DOCK2: variants seen among roughly 807,000 people sequenced by gnomAD.
DOCK2 encodes dedicator of cytokinesis protein 2.
A neutral mutation model predicts 248.9 loss-of-function variants in DOCK2; 87 were observed. The observed-to-expected ratio is 0.35, with a 90% confidence interval of 0.29 to 0.42. The LOEUF is 0.42. Among genes scored for constraint, DOCK2 ranks in the 10% least tolerant of loss-of-function variants. DOCK2 has a pLI of 1.00. For missense variants in DOCK2, 1,747 were observed against 2,300.2 expected, an observed-to-expected ratio of 0.76 and a Z score of 4.92; for synonymous variants, 805 against 821.6, an observed-to-expected ratio of 0.98 and a Z score of 0.35.
chr5:169,671,269 G>A (rs1398268984), intron 5 of DOCK2, 95 bp downstream of exon 5: 7 of 1,090,254 alleles, frequency 6.4e-6, no homozygotes, highest in Middle Eastern at 2.0e-4. Context: ...GGCAGGTGGA[G>A]GTGGCTTTGG....
chr5:169,800,212 A>T (rs1302116923), intron 25 of DOCK2, among the ~76,000 whole-genome samples: 3 of 152,138 alleles, frequency 2.0e-5, no homozygotes, highest in Non-Finnish European at 1.5e-5. Flanking sequence ...TGTCATCTAT[A>T]ATTTTCTGTT....
intron 32 of DOCK2, among the ~76,000 whole-genome samples, chr5:170,014,387 T>C (rs1010835777): frequency 1.3e-5 from 2 of 152,190 alleles, no homozygotes; most frequent in African/African-American, 4.8e-5. Flanking sequence ...ATTAAAAGAA[T>C]AAAGTTAATT....
chr5:169,666,344 C>T (rs1041663401), intron 2 of DOCK2, among the ~76,000 whole-genome samples: 1 of 152,086 alleles, frequency 6.6e-6, no homozygotes, highest in Non-Finnish European at 1.5e-5. Flanking sequence ...TTTGGGAGGA[C>T]ACATTCAGTC....
chr5:169,682,147 C>T (rs930467136), intron 7 of DOCK2, among the ~76,000 whole-genome samples: 3 of 152,232 alleles, frequency 2.0e-5, no homozygotes, highest in South Asian at 4.1e-4. Context: ...AGAAGAAAGG[C>T]GATAACAAAG....
chr5:169,638,945 G>C (rs1347695648), intron 1 of DOCK2, among the ~76,000 whole-genome samples: 1 of 152,174 alleles, frequency 6.6e-6, no homozygotes, highest in African/African-American at 2.4e-5. Context: ...TAAAGGCAGG[G>C]AACTGGCATC....
chr5:169,893,444 G>A (rs1397690942), intron 27 of DOCK2, among the ~76,000 whole-genome samples: 1 of 143,864 alleles, frequency 7.0e-6, no homozygotes, highest in African/African-American at 2.5e-5. Context: ...CAATCCATTT[G>A]TTTTTCACTA....
chr5:170,018,688 A>C (rs1308090674), intron 32 of DOCK2, among the ~76,000 whole-genome samples: 3 of 152,176 alleles, frequency 2.0e-5, no homozygotes, highest in African/African-American at 4.8e-5. Flanking sequence ...TGCAGGTGAA[A>C]ACCCTTGTAA....
At chr5:169,951,123 C>T (rs1166549560) in intron 27 of DOCK2, among the ~76,000 whole-genome samples, 1 of 152,184 alleles carries the variant, frequency 6.6e-6, no homozygotes, top group Non-Finnish European at 1.5e-5. Flanking sequence ...CCAACCCTTT[C>T]CCTCCCTGGC....
intron 26 of DOCK2, among the ~76,000 whole-genome samples, chr5:169,833,359 G>GA (rs933411265): frequency 1.6e-4 from 24 of 152,072 alleles, no homozygotes; most frequent in African/African-American, 5.6e-4. Flanking sequence ...AAAACCTCCT[G>GA]AAAAAATAGA....
chr5:169,869,519 G>C (rs1022343045), intron 27 of DOCK2, among the ~76,000 whole-genome samples: 2 of 152,186 alleles, frequency 1.3e-5, no homozygotes, highest in African/African-American at 4.8e-5. Context: ...CTACAGTTTG[G>C]AAGGGAGGAG....
At chr5:170,008,222 C>A (rs3080804) in intron 30 of DOCK2, among the ~76,000 whole-genome samples, 6,677 of 48,738 alleles carry the variant, frequency 0.14, 446 homozygotes, top group African/African-American at 0.38. Flanking sequence ...ACAACAACAA[C>A]AACAAAAAAA....
intron 27 of DOCK2, among the ~76,000 whole-genome samples, chr5:169,962,951 A>C (rs1777151340): frequency 2.0e-5 from 3 of 152,066 alleles, no homozygotes; most frequent in Admixed American, 2.0e-4. Flanking sequence ...ATAGGATGGG[A>C]AGTGGAAGGG....
chr5:170,034,409 T>A lies in DOCK2; in HGVS notation c.3478T>A (p.Cys1160Ser). ...MQLLESILME[C>S]AAEHPTIAKS... ...TGGTCTCTGCCGCAGCCTGATGGAA[T>A]GTGCTGCAGAGCACCCAACCATTGC... The change falls in exon 35 of 52, where the codon TGT becomes AGT. Residue 1160 changes from cysteine to serine, a missense_variant. By Grantham distance (112) the Cys-to-Ser change is moderately radical. Coordinates refer to ENST00000520908, the MANE Select transcript of DOCK2 (RefSeq NM_004946.3). 1.2e-6 allele frequency: 2 copies of A among 1,614,102 alleles called. No homozygotes were observed. The highest frequency in any genetic ancestry group is 8.5e-7 in the Non-Finnish European group (1 of 1,179,988).
intron 27 of DOCK2, among the ~76,000 whole-genome samples, chr5:169,899,919 C>G (rs537676059): frequency 6.6e-6 from 1 of 152,348 alleles, no homozygotes; most frequent in East Asian, 1.9e-4. Flanking sequence ...TCATGTATTA[C>G]TTGATACTGA....
intron 33 of DOCK2, among the ~76,000 whole-genome samples, chr5:170,020,240 C>A (rs1326718368): frequency 6.6e-6 from 1 of 152,106 alleles, no homozygotes; most frequent in African/African-American, 2.4e-5. Flanking sequence ...CATTTTTTTT[C>A]TTTCTGCTAC....
intron 26 of DOCK2, among the ~76,000 whole-genome samples, chr5:169,827,005 A>G (rs925892380): frequency 2.7e-5 from 4 of 146,138 alleles, no homozygotes; most frequent in Non-Finnish European, 6.0e-5. Flanking sequence ...TCCAGGACAG[A>G]GCGTGGCACG....
intron 22 of DOCK2, among the ~76,000 whole-genome samples, chr5:169,744,646 G>T (rs978392922): frequency 2.0e-5 from 3 of 152,084 alleles, no homozygotes; most frequent in Non-Finnish European, 4.4e-5. Context: ...CAGAGAAGTT[G>T]GGAACCAGGA....
At chr5:170,030,059 C>G (rs1233907880) in intron 34 of DOCK2, among the ~76,000 whole-genome samples, 1 of 152,162 alleles carries the variant, frequency 6.6e-6, no homozygotes, top group Non-Finnish European at 1.5e-5. Flanking sequence ...AATATTCTGG[C>G]TGAGTCAGTG....
intron 26 of DOCK2, among the ~76,000 whole-genome samples, chr5:169,813,888 G>A (rs779736215): frequency 1.3e-5 from 2 of 152,148 alleles, no homozygotes; most frequent in Non-Finnish European, 2.9e-5. Flanking sequence ...TAAACTAGAT[G>A]GCCAATCCCA....
Sources: allele counts gnomAD v4.1 joint callset (sites outside exome capture counted in the v4.1 genomes callset), GRCh38; gene constraint gnomAD v4.1.1; transcripts MANE v1.5; gene names NCBI Gene and HGNC (gene_info 2026-07-23, HGNC 2026-07-21).